The following DDX10 variants were observed in gnomAD, a reference collection of about 807,000 sequenced individuals.
DDX10 encodes the protein probable ATP-dependent RNA helicase DDX10.
Under a neutral mutation model 104.3 loss-of-function variants are expected in DDX10, and 74 were observed. The observed-to-expected ratio is 0.71, with a 90% confidence interval of 0.59 to 0.86. The LOEUF (loss-of-function observed/expected upper bound fraction) is 0.86. Among genes scored for constraint, DDX10 ranks in the 40% least tolerant of loss-of-function variants. DDX10 has a pLI of 0.00. For synonymous variants in DDX10, 351 were observed against 353.4 expected, an observed-to-expected ratio of 0.99 and a Z score of 0.08; for missense variants, 952 against 1,040.0, an observed-to-expected ratio of 0.92 and a Z score of 1.16.
intron 17 of DDX10, among the ~76,000 whole-genome samples, chr11:108,927,931 G>A (rs577309172): frequency 6.6e-6 from 1 of 152,294 alleles, no homozygotes; most frequent in African/African-American, 2.4e-5. Context: ...GAGCCACCGT[G>A]CCCAGCTGGA....
chr11:108,760,401 CT>C (rs1203013874), intron 13 of DDX10, among the ~76,000 whole-genome samples: 1 of 151,996 alleles, frequency 6.6e-6, no homozygotes, highest in African/African-American at 2.4e-5. Flanking sequence ...TTTCCACTTT[CT>C]GTATTTTTAA....
rs780621779 is a variant in DDX10, at chr11:108,677,287, T to C, written c.537+44T>C. 9.1e-6 allele frequency: 14 copies of C among 1,540,950 alleles called. No individual in the cohort carries two copies. The Middle Eastern group carries it at 6.9e-4, about 76-fold the overall frequency. On this transcript the variant is annotated intron_variant, in intron 4 of 17. Coordinates refer to ENST00000322536, the MANE Select transcript of DDX10 (RefSeq NM_004398.4). The stretch of plus-strand genomic sequence containing the variant: ...GTCCTTCCTTTCCTTCTGTAACCTA[T>C]ACTGGAGTACTGTGGCCGATGACAG...
intron 12 of DDX10, among the ~76,000 whole-genome samples, chr11:108,720,880 A>ACTGTGCC (rs1376738486): frequency 1.4e-5 from 2 of 146,574 alleles, no homozygotes; most frequent in African/African-American, 5.0e-5. Flanking sequence ...GGTGTGAGCC[A>ACTGTGCC]CTGTGCCTGG....
chr11:108,693,407 A>G (rs2134451651), intron 8 of DDX10, 109 bp from the exon 9 acceptor site: 3 of 795,698 alleles, frequency 3.8e-6, no homozygotes, highest in Middle Eastern at 4.5e-4. Context: ...GATGATATCC[A>G]TCAGTTTGAT....
chr11:108,754,183 G>A (rs552010092), intron 13 of DDX10, among the ~76,000 whole-genome samples: 8 of 152,098 alleles, frequency 5.3e-5, no homozygotes, highest in Admixed American at 2.0e-4. Context: ...TTAGCTGAAT[G>A]ATTCATTTAA....
intron 16 of DDX10, among the ~76,000 whole-genome samples, chr11:108,880,384 A>G (rs1591108135): frequency 6.6e-6 from 1 of 152,176 alleles, no homozygotes; most frequent in South Asian, 2.1e-4. Flanking sequence ...TAGGGCTTCA[A>G]TAAGTTAATT....
At position 108,841,538 on chromosome 11, in the gene DDX10, A is replaced by G. The variant is rs1008706462; in HGVS notation, c.2247+62A>G. ...TTAGTGTCCCGAAGTATATCTAAAT[A>G]TTCATTAGCTATTCATTAATAAGTG... is the stretch of plus-strand genomic sequence containing the variant. On this transcript the variant is annotated intron_variant, in intron 15 of 17. Coordinates refer to ENST00000322536, the MANE Select transcript of DDX10 (RefSeq NM_004398.4). 5 of 1,395,128 alleles carry G rather than the reference A, an allele frequency of 3.6e-6. No homozygotes were observed. The African/African-American group carries it at 4.3e-5, about 12-fold the overall frequency. The allele number at this position is 1,395,128 out of a possible 1,614,324, so 86.4% of individuals were successfully genotyped here. A position where few individuals can be genotyped will look rare whatever the true frequency, so the allele number is the denominator to read the frequency against.
chr11:108,848,254 T>C (rs1468829479), intron 15 of DDX10, among the ~76,000 whole-genome samples: 1 of 152,174 alleles, frequency 6.6e-6, no homozygotes, highest in Non-Finnish European at 1.5e-5. Context: ...CATATACTAG[T>C]GCCAGAATCC....
At chr11:108,682,917 A>G (rs971677889) in intron 6 of DDX10, among the ~76,000 whole-genome samples, 1 of 151,530 alleles carries the variant, frequency 6.6e-6, no homozygotes, top group Admixed American at 6.6e-5. Context: ...GTTGTACTCT[A>G]AGTTCCATTA....
At chr11:108,801,474 A>G (rs183837802) in intron 13 of DDX10, among the ~76,000 whole-genome samples, 1 of 152,312 alleles carries the variant, frequency 6.6e-6, no homozygotes, top group Non-Finnish European at 1.5e-5. Flanking sequence ...TGTAAAGAAA[A>G]GTCTGCAAGA....
At chr11:108,667,078 T>G (rs1009370975) in intron 1 of DDX10, among the ~76,000 whole-genome samples, 9 of 152,224 alleles carry the variant, frequency 5.9e-5, no homozygotes, top group African/African-American at 2.2e-4. Flanking sequence ...CCCCATCATC[T>G]CTTGCCTGGA....
chr11:108,807,704 C>T (rs1015177300), intron 13 of DDX10, among the ~76,000 whole-genome samples: 3 of 152,132 alleles, frequency 2.0e-5, no homozygotes, highest in Non-Finnish European at 2.9e-5. Flanking sequence ...GCTTGGTAGG[C>T]ACCTGGACTT....
At chr11:108,836,835 C>T (rs1165490893) in intron 13 of DDX10, among the ~76,000 whole-genome samples, 1 of 152,098 alleles carries the variant, frequency 6.6e-6, no homozygotes, top group Non-Finnish European at 1.5e-5. Flanking sequence ...TTGTTAATAT[C>T]TCCTTATTAA....
Position 108,677,269 on chromosome 11 carries a change from C to T in DDX10, c.537+26C>T. 3.8e-6 allele frequency: 6 copies of T among 1,598,776 alleles called. No homozygotes were observed. The East Asian group carries it at 1.1e-4, about 30-fold the overall frequency. On this transcript the variant is annotated intron_variant, in intron 4 of 17. Coordinates refer to ENST00000322536, the MANE Select transcript of DDX10 (RefSeq NM_004398.4). ...GTTTGTCCTTTTGTCTATGTCCTTC[C>T]TTTCCTTCTGTAACCTATACTGGAG...
At chr11:108,814,510 G>A (rs1862228100) in intron 13 of DDX10, among the ~76,000 whole-genome samples, 1 of 152,086 alleles carries the variant, frequency 6.6e-6, no homozygotes, top group Non-Finnish European at 1.5e-5. Context: ...ACCACTATCT[G>A]TACCTTTTTT....
Position 108,800,226 on chromosome 11 carries a change from G to A in DDX10, c.1966-38220G>A, listed in dbSNP as rs138240787. ...TGGGAGGCCGAGACAGGCGGATCAC[G>A]AGGTCAGGAGATTGAGACCATGGTG... On this transcript the variant is annotated intron_variant, in intron 13 of 17. Transcript: ENST00000322536. Among the ~76,000 whole-genome samples the A allele has an allele frequency of 9.7e-3, 1,446 of 149,000 alleles. 22 individuals are homozygous for A. The highest frequency in any genetic ancestry group is 0.034 in the African/African-American group (1,386 of 40,294).
intron 17 of DDX10, among the ~76,000 whole-genome samples, chr11:108,933,536 G>A (rs934678858): frequency 6.6e-6 from 1 of 152,066 alleles, no homozygotes; most frequent in Non-Finnish European, 1.5e-5. Context: ...CATTTTTATT[G>A]AAGTGACATG....
chr11:108,779,909 C>G (rs972145133), intron 13 of DDX10, among the ~76,000 whole-genome samples: 1 of 152,098 alleles, frequency 6.6e-6, no homozygotes, highest in African/African-American at 2.4e-5. Flanking sequence ...GAGGAAATAA[C>G]AAAACCTTTG....
Position 108,723,322 on chromosome 11 carries a change from A to AAC in DDX10, c.1828_1829dup (p.Ser611ProfsTer27), listed in dbSNP as rs767552499. 8 of 1,614,004 alleles carry AAC rather than the reference A, an allele frequency of 5.0e-6. No homozygotes were observed. Among genetic ancestry groups the AAC allele is most frequent in the Non-Finnish European group, 6.8e-6 (8 of 1,179,950 alleles). On this transcript the variant is annotated frameshift_variant, in exon 13 of 18. Coordinates refer to ENST00000322536, the MANE Select transcript of DDX10 (RefSeq NM_004398.4). LOFTEE classifies it high-confidence loss of function. ...AGGATCTCAAGCCCCATCTCTTCCTAACACCAGTGAGGCACAGAAGATCAA... is the reference window on the plus strand; with the variant it reads ...AGGATCTCAAGCCCCATCTCTTCCTAACACACCAGTGAGGCACAGAAGATCAA...
Sources: gnomAD v4.1 joint callset for allele counts (sites outside exome capture counted in the v4.1 genomes callset) on GRCh38, gnomAD v4.1.1 for gene constraint, MANE v1.5 for transcripts, NCBI Gene and HGNC (gene_info 2026-07-23, HGNC 2026-07-21) for gene names.